The following PIGT variants were observed in gnomAD, a reference collection of about 807,000 sequenced individuals.
The protein encoded by PIGT is GPI-anchor transamidase component PIGT.
Under a neutral mutation model 66.7 loss-of-function variants are expected in PIGT, and 57 were observed. The observed-to-expected ratio is 0.86, with a 90% confidence interval of 0.69 to 1.07. The LOEUF (loss-of-function observed/expected upper bound fraction) is 1.07. PIGT is among the 50% of genes least tolerant of loss of function. The probability of loss-of-function intolerance (pLI) is 0.00; values close to 1 mark genes in which losing one functional copy is unlikely to be tolerated. For missense variants in PIGT, 725 were observed against 740.4 expected (o/e 0.98, Z 0.24); for synonymous variants, 362 against 320.5 (o/e 1.13, Z -1.38).
At position 45,425,603 on chromosome 20, in the gene PIGT, T is replaced by C; in HGVS notation, c.1514T>C (p.Phe505Ser). 1 of 1,613,856 alleles carries C rather than the reference T, an allele frequency of 6.2e-7. No individual in the cohort carries two copies. Among genetic ancestry groups the C allele is most frequent in the Non-Finnish European group, 8.5e-7 (1 of 1,179,982 alleles). The change falls in exon 12 of 12, where the codon TTT (phenylalanine) becomes TCT (serine). Residue 505 changes from phenylalanine to serine, a missense_variant. Transcript: ENST00000279036. ...LFPVSDGSNY[F>S]VRLYTEPLLV... ...CCAGTCTCTGATGGCTCTAACTACT[T>C]TGTGCGGCTCTACACGGAGCCGCTG...
chr20:45,423,104 AC>A (rs1368475088), intron 9 of PIGT: 2 of 113,092 alleles, frequency 1.8e-5, no homozygotes, highest in South Asian at 6.1e-4. Context: ...TCACTCTGTC[AC>A]CCAGGCTGGA....
In PIGT at chr20:45,420,393, G is replaced by C; in HGVS notation, c.831G>C (p.Glu277Asp). The C allele has an allele frequency of 1.2e-6, 2 of 1,613,710 alleles. No individual in the cohort carries two copies. Among genetic ancestry groups the C allele is most frequent in the Non-Finnish European group, 1.7e-6 (2 of 1,179,936 alleles). ...CGGAGCCCTGCCCCCTGGCTTCAGA[G>C]AGCCGAGTCTATGTGGACATCACCA... ...TLTEPCPLASESRVYVDITTY... is the reference protein window; with the variant it reads ...TLTEPCPLASDSRVYVDITTY... Residue 277 changes from glutamate to aspartate, a missense_variant, in exon 7 of 12, where the codon GAG becomes GAC. Around this residue, in one of 3 missense-constraint regions of PIGT, gnomAD observed 559 missense variants for 552.7 expected, o/e 1.01. Coordinates refer to ENST00000279036, the MANE Select transcript of PIGT (RefSeq NM_015937.6).
Position 45,421,365 on chromosome 20 carries a change from T to C in PIGT, c.1034-18T>C, listed in dbSNP as rs2145454497. 1.2e-6 allele frequency: 2 copies of C among 1,605,650 alleles called. No individual in the cohort carries two copies. Among genetic ancestry groups the C allele is most frequent in the Admixed American group, 1.7e-5 (1 of 59,648 alleles). On this transcript the variant is annotated intron_variant, in intron 8 of 11. Coordinates refer to ENST00000279036, the MANE Select transcript of PIGT (RefSeq NM_015937.6). ...CTTACCTTTGGCAGCTGTTAACTGT[T>C]GATATTTCTTTACACAGAGGCCCCC...
intron 11 of PIGT, chr20:45,425,196 TTTCTTTCTTTC>T (rs1568955020): frequency 1.4e-5 from 2 of 144,290 alleles, no homozygotes; most frequent in Non-Finnish European, 3.0e-5. Context: ...TCTTTCTTTC[TTTCTTTCTTTC>T]TCTTTCTTTC....
chr20:45,424,692 G>C, intron 11 of PIGT, 113 bp downstream of exon 11: 1 of 734,346 alleles, frequency 1.4e-6, no homozygotes, highest in South Asian at 1.5e-5. Context: ...CTTCCAAAGA[G>C]ATGTGTAGAT....
chr20:45,420,733 T>C (rs1360197580), intron 8 of PIGT, 40 bp downstream of exon 8: 1 of 1,604,252 alleles, frequency 6.2e-7, no homozygotes. Flanking sequence ...TTGCAACGGC[T>C]ACAGAGAAAA....
In PIGT at chr20:45,421,436, C is replaced by G; in HGVS notation, c.1087C>G (p.Leu363Val). The G allele has an allele frequency of 6.2e-7, 1 of 1,614,198 alleles. No homozygotes were observed. Among genetic ancestry groups the G allele is most frequent in the South Asian group, 1.1e-5 (1 of 91,084 alleles). Residue 363 changes from leucine (L) to valine (V), a missense_variant, in exon 9 of 12, where the codon CTG becomes GTG. Transcript: ENST00000279036. ...HAQRYVSGYG[L>V]QKGELSTLLY... Reference sequence around the variant, plus strand: ...CCAGCGGTACGTGAGTGGCTATGGGCTGCAGAAGGGGGAGCTGAGCACACT... The same window carrying G: ...CCAGCGGTACGTGAGTGGCTATGGGGTGCAGAAGGGGGAGCTGAGCACACT...
At position 45,426,015 on chromosome 20, in the gene PIGT, CT is replaced by C; in HGVS notation, c.*191del. Reference sequence around the variant, plus strand: ...AATGTGGCATTTGAATTTGAATTAACTTAGAAATTCATTTCCTCACCTGTAG... The same window carrying C: ...AATGTGGCATTTGAATTTGAATTAACTAGAAATTCATTTCCTCACCTGTAG... On this transcript the variant is annotated 3_prime_UTR_variant, in exon 12 of 12. Coordinates refer to ENST00000279036, the MANE Select transcript of PIGT (RefSeq NM_015937.6). The C allele has an allele frequency of 1.5e-6, 1 of 652,432 alleles. No homozygotes were observed. Among genetic ancestry groups the C allele is most frequent in the Non-Finnish European group, 2.6e-6 (1 of 386,084 alleles). 40.4% of individuals were successfully genotyped at this position (652,432 alleles called of 1,614,324 possible). A position where few individuals can be genotyped will look rare whatever the true frequency, so the allele number is the denominator to read the frequency against.
At chr20:45,418,718 G>A in intron 2 of PIGT, 134 bp from the exon 3 acceptor site, 2 of 1,109,338 alleles carry the variant, frequency 1.8e-6, no homozygotes, top group Non-Finnish European at 2.7e-6. Flanking sequence ...CAATGTTCCA[G>A]CTCCATCAAC....
In PIGT at chr20:45,424,386, G is replaced by A; in HGVS notation, c.1400+5G>A. On this transcript the variant is annotated splice_donor_5th_base_variant and intron_variant, in intron 10 of 11. Coordinates refer to ENST00000279036, the MANE Select transcript of PIGT (RefSeq NM_015937.6). ...TAACCATGGCTTCTATGTCAGGTGG[G>A]CTCCACCCCCACAGGCCACCTCTCA... 8 of 1,614,032 alleles carry A rather than the reference G, an allele frequency of 5.0e-6. No individual in the cohort carries two copies. Among genetic ancestry groups the A allele is most frequent in the Non-Finnish European group, 6.8e-6 (8 of 1,179,924 alleles).
In PIGT at chr20:45,419,424, G is replaced by A. The variant is rs201798860; in HGVS notation, c.594+29G>A. The A allele has an allele frequency of 2.3e-5, 35 of 1,518,936 alleles. 1 individual carries two copies. In the South Asian group the frequency reaches 3.0e-4, roughly 13 times the overall value. The allele number at this position is 1,518,936 out of a possible 1,614,324, so 94.1% of individuals were successfully genotyped here. On this transcript the variant is annotated intron_variant, in intron 4 of 11. Coordinates refer to ENST00000279036, the MANE Select transcript of PIGT (RefSeq NM_015937.6). The stretch of plus-strand genomic sequence containing the variant: ...AGGCCGCAGAGCCTGGCAGCCGGGG[G>A]CGGGGGGTGTATAGAGAACCTGCGC...
At chr20:45,424,725 C>T in intron 11 of PIGT, 146 bp downstream of exon 11, 1 of 629,696 alleles carries the variant, frequency 1.6e-6, no homozygotes. Context: ...TAATAAAAAT[C>T]CTGGCAGTCT....
chr20:45,416,203 G>T lies in PIGT; in HGVS notation c.47G>T (p.Gly16Val). The T allele has an allele frequency of 1.3e-6, 2 of 1,591,668 alleles. No individual in the cohort carries two copies. Among genetic ancestry groups the T allele is most frequent in the Non-Finnish European group, 1.7e-6 (2 of 1,170,058 alleles). ...PLALLVLLLL[G>V]PGGWCLAEPP... is the part of the protein sequence containing the mutation. Reference sequence around the variant, plus strand: ...GCTCTGCTCGTCCTGTTGCTCCTGGGGCCCGGCGGCTGGTGCCTTGCAGAA... The same window carrying T: ...GCTCTGCTCGTCCTGTTGCTCCTGGTGCCCGGCGGCTGGTGCCTTGCAGAA... Residue 16 changes from glycine (G) to valine (V), a missense_variant, in exon 1 of 12, where the codon GGG becomes GTG. Transcript: ENST00000279036.
In PIGT at chr20:45,421,537, T is replaced by G; in HGVS notation, c.1188T>G (p.Tyr396Ter). The change falls in exon 9 of 12, where the codon TAT (tyrosine) becomes TAG (stop). Residue 396 changes from tyrosine to a stop codon, truncating the protein, a stop_gained. Transcript: ENST00000279036. LOFTEE classifies it high-confidence loss of function. ...CCGTACCCTGGTATCTGCGGCTGTATGTGCACACCCTCACCATCACCTCCA... is the reference window on the plus strand; with the variant it reads ...CCGTACCCTGGTATCTGCGGCTGTAGGTGCACACCCTCACCATCACCTCCA... ...LDTVPWYLRLYVHTLTITSKG... is the reference protein window; with the variant it reads ...LDTVPWYLRL 6.2e-7 allele frequency: 1 copy of G among 1,614,100 alleles called. No homozygotes were observed. The highest frequency in any genetic ancestry group is 8.5e-7 in the Non-Finnish European group (1 of 1,180,006).
At position 45,419,068 on chromosome 20, in the gene PIGT, G is replaced by C; in HGVS notation, c.493+89G>C. 1.9e-6 allele frequency: 3 copies of C among 1,540,044 alleles called. No homozygotes were observed. The African/African-American group carries it at 4.1e-5, about 21-fold the overall frequency. ...TTTCCCTCAGTTTCCTGCTTCCTCA[G>C]CCTGGGCTAGATCCTAAGTCCCCTG... On this transcript the variant is annotated intron_variant, in intron 3 of 11. Coordinates refer to ENST00000279036, the MANE Select transcript of PIGT (RefSeq NM_015937.6).
In PIGT at chr20:45,424,371, T is replaced by G; in HGVS notation, c.1390T>G (p.Phe464Val). The G allele has an allele frequency of 1.2e-6, 2 of 1,614,106 alleles. No homozygotes were observed. Among genetic ancestry groups the G allele is most frequent in the Non-Finnish European group, 1.7e-6 (2 of 1,179,978 alleles). Residue 464 changes from phenylalanine to valine, a missense_variant, in exon 10 of 12, where the codon TTC becomes GTC. By Grantham distance (50) the Phe-to-Val change is conservative (BLOSUM62 -1). Coordinates refer to ENST00000279036, the MANE Select transcript of PIGT (RefSeq NM_015937.6). Reference sequence around the variant, plus strand: ...GTACACGCCAGATCCTAACCATGGCTTCTATGTCAGGTGGGCTCCACCCCC... The same window carrying G: ...GTACACGCCAGATCCTAACCATGGCGTCTATGTCAGGTGGGCTCCACCCCC... Reference protein sequence around the residue: ...TEYTPDPNHGFYVSPSVLSAL... With the variant: ...TEYTPDPNHGVYVSPSVLSAL...
At chr20:45,419,683 G>C in intron 5 of PIGT, 93 bp downstream of exon 5, 3 of 870,352 alleles carry the variant, frequency 3.4e-6, no homozygotes, top group Non-Finnish European at 5.9e-6. Context: ...GGCTGAGTGA[G>C]TACTGAGTGG....
At chr20:45,419,236 G>A (rs941982541) in intron 3 of PIGT, 59 bp from the exon 4 acceptor site, 1 of 1,406,636 alleles carries the variant, frequency 7.1e-7, no homozygotes, top group Non-Finnish European at 1.0e-6. Context: ...TCTCTGGAAT[G>A]TGGATCCCGA....
chr20:45,421,385 G>A lies in PIGT; in HGVS notation c.1036G>A (p.Ala346Thr). The change falls in exon 9 of 12, where the codon GCC becomes ACC. Residue 346 changes from alanine (A) to threonine (T), a missense_variant and splice_region_variant. Ala to Thr is a moderately conservative substitution (Grantham distance 58). Coordinates refer to ENST00000279036, the MANE Select transcript of PIGT (RefSeq NM_015937.6). ...ACTGTTGATATTTCTTTACACAGAG[G>A]CCCCCCCAGTGCCCTTCCTGCATGC... is the stretch of plus-strand genomic sequence containing the variant. ...LKWKRPPENE[A>T]PPVPFLHAQR... 1 of 1,612,362 alleles carries A rather than the reference G, an allele frequency of 6.2e-7. No homozygotes were observed. The highest frequency in any genetic ancestry group is 8.5e-7 in the Non-Finnish European group (1 of 1,178,888).
Sources: allele counts gnomAD v4.1 joint callset, GRCh38; gene constraint gnomAD v4.1.1; regional missense constraint gnomAD v4.1.1; transcripts MANE v1.5; gene names NCBI Gene and HGNC (gene_info 2026-07-23, HGNC 2026-07-21).